The following MAPT variants were observed in gnomAD, a reference collection of about 807,000 sequenced individuals.
MAPT encodes microtubule-associated protein tau.
Under a neutral mutation model 67.9 loss-of-function variants are expected in MAPT, and 34 were observed. The ratio of observed to expected loss-of-function variants is 0.50; its 90% CI spans 0.38 to 0.67. MAPT has a LOEUF of 0.67. Ranked by LOEUF, MAPT falls within the 30% of genes least tolerant of loss-of-function variation. The pLI is 0.00. For missense variants in MAPT, 881 were observed against 1,115.2 expected (o/e 0.79, Z 2.99); for synonymous variants, 456 against 464.5 (o/e 0.98, Z 0.23).
chr17:46,005,066 G>A (rs112310745), intron 9 of MAPT, among the ~76,000 whole-genome samples: 21,761 of 152,276 alleles, frequency 0.14, 2,128 homozygotes, highest in Non-Finnish European at 0.22. Flanking sequence ...TTACAGGCGT[G>A]AGCCACCGTG....
chr17:45,969,297 G>C (rs1169425044), intron 2 of MAPT: 1 of 152,312 alleles, frequency 6.6e-6, no homozygotes, highest in Non-Finnish European at 1.5e-5. Flanking sequence ...AGATGACTAA[G>C]AGGTACTGGC....
chr17:45,995,683 G>A lies in MAPT; in HGVS notation c.1733-716G>A, dbSNP rs1405176063. 6.6e-6 allele frequency among the ~76,000 whole-genome samples: 1 copy of A among 152,306 alleles called. No homozygotes were observed. Among genetic ancestry groups the A allele is most frequent in the Middle Eastern group, 3.4e-3 (1 of 294 alleles). ...CTAGTAACTGCTATGCATGGCAGGT[G>A]GGGAACTGTACGTCAGGGCACAGCA... is the stretch of plus-strand genomic sequence containing the variant. On this transcript the variant is annotated intron_variant, in intron 8 of 12. Coordinates refer to ENST00000262410, the MANE Select transcript of MAPT (RefSeq NM_001377265.1). The surrounding 1 kb of genome is among the most constrained non-coding windows in gnomAD (Gnocchi z 4.3).
At chr17:45,970,015 CCCAT>C (rs1332645333) in intron 2 of MAPT, among the ~76,000 whole-genome samples, 22 of 147,498 alleles carry the variant, frequency 1.5e-4, no homozygotes, top group African/African-American at 3.5e-4. Flanking sequence ...CTACACATCA[CCCAT>C]CCATCCATCC....
At position 45,962,323 on chromosome 17, in the gene MAPT, G is replaced by T. The variant is rs777833013; in HGVS notation, c.-15G>T. ...ATCCTCTCCTCTTCTTTCCCCAGGT[G>T]AACTTTGAACCAGGATGGCTGAGCC... On this transcript the variant is annotated splice_region_variant and 5_prime_UTR_variant, in exon 2 of 13. Transcript: ENST00000262410. The T allele has an allele frequency of 6.2e-7, 1 of 1,611,676 alleles. No homozygotes were observed. Among genetic ancestry groups the T allele is most frequent in the South Asian group, 1.1e-5 (1 of 90,912 alleles).
chr17:45,941,774 T>G (rs2068019654), intron 1 of MAPT, among the ~76,000 whole-genome samples: 1 of 143,236 alleles, frequency 7.0e-6, no homozygotes, highest in African/African-American at 2.6e-5. Flanking sequence ...GACTAATTTC[T>G]GTTTCAGGAC....
chr17:45,967,910 A>C (rs2071250882), intron 2 of MAPT, among the ~76,000 whole-genome samples: 1 of 152,056 alleles, frequency 6.6e-6, no homozygotes, highest in Non-Finnish European at 1.5e-5. Context: ...CAGCTTGTCC[A>C]TCATGACCCT....
In MAPT at chr17:45,915,667, T is replaced by C. The variant is rs2065156352; in HGVS notation, c.-18+20981T>C. Among the ~76,000 whole-genome samples the C allele has an allele frequency of 6.6e-6, 1 of 152,046 alleles. No individual in the cohort carries two copies. The highest frequency in any genetic ancestry group is 2.4e-5 in the African/African-American group (1 of 41,370). ...AGGCATGTAACTGAACACAGCACTT[T>C]AGAGGGCTCTCCTGGAGTCAGAGGG... On this transcript the variant is annotated intron_variant, in intron 1 of 12. Transcript: ENST00000262410. The surrounding 1 kb of genome is among the most constrained non-coding windows in gnomAD (Gnocchi z 4.4).
Position 45,989,964 on chromosome 17 carries a change from G to C in MAPT, c.1494G>C (p.Leu498=). The C allele has an allele frequency of 6.2e-7, 1 of 1,614,146 alleles. No homozygotes were observed. The highest frequency in any genetic ancestry group is 8.5e-7 in the Non-Finnish European group (1 of 1,180,018). The part of the protein sequence containing the change: ...KHPTPGSSDP[L]IQPSSPAVCP... ...CCACTCCTGGTAGCTCAGACCCTCT[G>C]ATCCAACCCTCCAGCCCTGCTGTGT... is the stretch of plus-strand genomic sequence containing the variant. Residue 498 remains leucine, a synonymous_variant, in exon 7 of 13, where the codon CTG becomes CTC. Coordinates refer to ENST00000262410, the MANE Select transcript of MAPT (RefSeq NM_001377265.1).
chr17:45,933,905 T>C (rs2067096181), intron 1 of MAPT, among the ~76,000 whole-genome samples: 3 of 151,396 alleles, frequency 2.0e-5, no homozygotes, highest in Admixed American at 2.0e-4. Flanking sequence ...AAATGTTACA[T>C]TTGAGAAGGT....
In MAPT at chr17:46,013,180, C is replaced by T. The variant is rs118095771; in HGVS notation, c.2092-1063C>T. On this transcript the variant is annotated intron_variant, in intron 10 of 12. Transcript: ENST00000262410. ...AGGAAGCTCCAGGGCGGTGCTTCCT[C>T]GGGAGCTGACTGATAGGTGGGAGGT... Among the ~76,000 whole-genome samples, 71 of 152,258 alleles carry T rather than the reference C, an allele frequency of 4.7e-4. 1 individual carries two copies. The East Asian group carries it at 0.013, about 27-fold the overall frequency.
At chr17:45,992,462 G>C (rs2074136759) in intron 8 of MAPT, among the ~76,000 whole-genome samples, 1 of 152,212 alleles carries the variant, frequency 6.6e-6, no homozygotes, top group African/African-American at 2.4e-5. Flanking sequence ...GGAGTCTGCT[G>C]CAAAACCTGA....
At chr17:45,999,139 CCTT>C (rs1437364867) in intron 9 of MAPT, 2 of 1,377,332 alleles carry the variant, frequency 1.5e-6, no homozygotes, top group Admixed American at 5.4e-5. Flanking sequence ...GTCCTTCTCT[CCTT>C]ATCTCTTCCC....
chr17:45,926,514 T>C (rs2066306097), intron 1 of MAPT, among the ~76,000 whole-genome samples: 2 of 152,136 alleles, frequency 1.3e-5, no homozygotes, highest in Admixed American at 6.5e-5. Flanking sequence ...GTGTTTACTA[T>C]GTTGCCCAGG....
At chr17:46,017,027 C>A (rs993364511) in intron 11 of MAPT, among the ~76,000 whole-genome samples, 1 of 152,202 alleles carries the variant, frequency 6.6e-6, no homozygotes, top group Non-Finnish European at 1.5e-5. Context: ...TGAACCCTTA[C>A]TGTGGGAAGA....
chr17:45,949,165 G>A (rs2068803145), intron 1 of MAPT, among the ~76,000 whole-genome samples: 2 of 152,242 alleles, frequency 1.3e-5, no homozygotes, highest in Non-Finnish European at 2.9e-5. Context: ...CCAGAACCGC[G>A]GGCCAGGGGG....
intron 1 of MAPT, among the ~76,000 whole-genome samples, chr17:45,926,953 A>G (rs538311083): frequency 1.0e-3 from 113 of 108,268 alleles, no homozygotes; most frequent in African/African-American, 1.5e-3. Context: ...ATATACATAT[A>G]TGTGTATATA....
At chr17:45,901,770 GGT>G (rs1356409414) in intron 1 of MAPT, among the ~76,000 whole-genome samples, 19 of 152,210 alleles carry the variant, frequency 1.2e-4, no homozygotes, top group Admixed American at 1.2e-3. Flanking sequence ...GTCTTCTCTT[GGT>G]GTCTGGATCA....
chr17:45,956,605 T>G (rs1030045158), intron 1 of MAPT, among the ~76,000 whole-genome samples: 33 of 92,150 alleles, frequency 3.6e-4, no homozygotes, highest in Admixed American at 1.7e-3. Flanking sequence ...TATATATTTT[T>G]TATTATTATA....
chr17:45,996,310 G>A lies in MAPT; in HGVS notation c.1733-89G>A. The A allele has an allele frequency of 1.4e-6, 2 of 1,460,184 alleles. No individual in the cohort carries two copies. The highest frequency in any genetic ancestry group is 1.9e-6 in the Non-Finnish European group (2 of 1,053,798). The allele number at this position is 1,460,184 out of a possible 1,614,324, so 90.5% of individuals were successfully genotyped here. A position where few individuals can be genotyped will look rare whatever the true frequency, so the allele number is the denominator to read the frequency against. ...CCTGCCTAACCCAGTGGTGAGCCTG[G>A]GAATGGACCCACGGGACAGGCAGCC... On this transcript the variant is annotated intron_variant, in intron 8 of 12. Coordinates refer to ENST00000262410, the MANE Select transcript of MAPT (RefSeq NM_001377265.1). This position sits in a 1 kb window ranked among gnomAD's most constrained non-coding sequence, Gnocchi z 4.5.
Sources: allele counts gnomAD v4.1 joint callset (sites outside exome capture counted in the v4.1 genomes callset), GRCh38; gene constraint gnomAD v4.1.1; non-coding constraint Gnocchi (gnomAD v3.1); transcripts MANE v1.5; gene names NCBI Gene and HGNC (gene_info 2026-07-23, HGNC 2026-07-21).